The following PCDHGA11 variants were observed in gnomAD, a reference collection of about 807,000 sequenced individuals.
The protein encoded by PCDHGA11 is protocadherin gamma subfamily A, 11, also known as protocadherin gamma-A11.
PCDHGA11 carries 39 observed loss-of-function variants against 60.4 expected under a neutral mutation model. The observed-to-expected ratio is 0.65, with a 90% CI of 0.50 to 0.84. The LOEUF (loss-of-function observed/expected upper bound fraction) is 0.84. PCDHGA11 is among the 40% of genes least tolerant of loss of function. The pLI, the probability that PCDHGA11 is intolerant of heterozygous loss-of-function variation, is 0.00. For synonymous variants in PCDHGA11, 533 were observed against 510.3 expected (o/e 1.04, Z -0.60); for missense variants, 1,165 against 1,197.7 (o/e 0.97, Z 0.40).
intron 1 of PCDHGA11, among the ~76,000 whole-genome samples, chr5:141,470,997 A>G (rs905897657): frequency 3.8e-4 from 57 of 150,462 alleles, no homozygotes; most frequent in African/African-American, 1.3e-3. Flanking sequence ...GACTACAGGC[A>G]TGAGCCACTG....
chr5:141,460,961 ATGTGTGTG>A (rs35821115), intron 1 of PCDHGA11, among the ~76,000 whole-genome samples: 11 of 144,552 alleles, frequency 7.6e-5, no homozygotes, highest in South Asian at 2.2e-4. Context: ...GTATATATAT[ATGTGTGTG>A]TGTGTGTGTG....
rs1015619417 is a variant in PCDHGA11 at position 141,455,526 on chromosome 5, C to T, written c.2433+31866C>T. Among the ~76,000 whole-genome samples the T allele has an allele frequency of 2.0e-5, 3 of 152,106 alleles. 1 individual carries two copies. Among genetic ancestry groups the T allele is most frequent in the South Asian group, 4.1e-4 (2 of 4,826 alleles). ...CATAGGGCTCAGGGGATTGGTTTGA[C>T]CAGGCATATCATTCACGTAGCCCGA... On this transcript the variant is annotated intron_variant, in intron 1 of 3. Coordinates refer to ENST00000398587, the MANE Select transcript of PCDHGA11 (RefSeq NM_018914.3).
rs1320526226 is a variant in PCDHGA11 at position 141,421,474 on chromosome 5, G to T, written c.247G>T (p.Gly83Cys). The T allele has an allele frequency of 1.9e-6, 3 of 1,614,014 alleles. No individual in the cohort carries two copies. The highest frequency in any genetic ancestry group is 2.7e-5 in the African/African-American group (2 of 74,958). ...TQLFAVNPRS[G>C]SLITAGRIDR... is the part of the protein sequence containing the mutation. ...GCTTTTCGCTGTGAATCCGCGAAGC[G>T]GCAGCTTGATCACGGCAGGCAGGAT... is the stretch of plus-strand genomic sequence containing the variant. The change falls in exon 1 of 4, where the codon GGC becomes TGC. Residue 83 changes from glycine (G) to cysteine (C), a missense_variant. Coordinates refer to ENST00000398587, the MANE Select transcript of PCDHGA11 (RefSeq NM_018914.3).
intron 2 of PCDHGA11, among the ~76,000 whole-genome samples, chr5:141,496,353 C>T (rs761547879): frequency 4.6e-5 from 7 of 152,210 alleles, no homozygotes; most frequent in Non-Finnish European, 8.8e-5. Context: ...AGTCTCAGAG[C>T]CCAGGGAGAG....
chr5:141,476,459 C>T lies in PCDHGA11; in HGVS notation c.2434-18348C>T. On this transcript the variant is annotated intron_variant, in intron 1 of 3. Coordinates refer to ENST00000398587, the MANE Select transcript of PCDHGA11 (RefSeq NM_018914.3). The surrounding 1 kb of genome is among the most constrained non-coding windows in gnomAD (Gnocchi z 7.6). ...AACTCTGGAGTTGGTAGTGGAGAACCCGCTGGAGCTGTTCAGCGTGGAAGT... is the reference window on the plus strand; with the variant it reads ...AACTCTGGAGTTGGTAGTGGAGAACTCGCTGGAGCTGTTCAGCGTGGAAGT... 6.2e-7 allele frequency: 1 copy of T among 1,614,048 alleles called. No individual in the cohort carries two copies. Among genetic ancestry groups the T allele is most frequent in the Non-Finnish European group, 8.5e-7 (1 of 1,180,006 alleles).
rs748399893 is a variant in PCDHGA11, at chr5:141,421,618, G to A, written c.391G>A (p.Ala131Thr). Residue 131 changes from alanine (A) to threonine (T), a missense_variant, in exon 1 of 4, where the codon GCC (alanine) becomes ACC (threonine). Transcript: ENST00000398587. ...GGAAATAATAGATATTAATGATAAC[G>A]CCCCCAGCTTCCAGGAGGACGAAGT... ...EVEIIDINDN[A>T]PSFQEDEVEI... The A allele has an allele frequency of 6.2e-7, 1 of 1,613,766 alleles. No homozygotes were observed. Among genetic ancestry groups the A allele is most frequent in the African/African-American group, 1.3e-5 (1 of 75,024 alleles).
chr5:141,477,794 C>G lies in PCDHGA11; in HGVS notation c.2434-17013C>G, dbSNP rs148942362. The G allele has an allele frequency of 6.2e-7, 1 of 1,614,086 alleles. No individual in the cohort carries two copies. The highest frequency in any genetic ancestry group is 1.1e-5 in the South Asian group (1 of 91,082). On this transcript the variant is annotated intron_variant, in intron 1 of 3. Transcript: ENST00000398587. This position sits in a 1 kb window ranked among gnomAD's most constrained non-coding sequence, Gnocchi z 4.9. ...CAGCGTGAACATATTTGTCACTGAT[C>G]GCAATGACAATGCCCCCCAGGTCCT...
Position 141,485,119 on chromosome 5 carries a change from C to A in PCDHGA11, c.2434-9688C>A. 3.0e-6 allele frequency: 4 copies of A among 1,328,812 alleles called. No homozygotes were observed. Among genetic ancestry groups the A allele is most frequent in the Non-Finnish European group, 4.3e-6 (4 of 935,940 alleles). The allele number at this position is 1,328,812 out of a possible 1,614,324, so 82.3% of individuals were successfully genotyped here. ...CTCCAGCTGCTGTGGCTGTTTGGGG[C>A]GGGTCGGCTTCATCCGCGTCTCAGG... On this transcript the variant is annotated intron_variant, in intron 1 of 3. Transcript: ENST00000398587. This position sits in a 1 kb window ranked among gnomAD's most constrained non-coding sequence, Gnocchi z 5.7.
chr5:141,482,530 C>CAAAAAAAAAAAAAAAAA (rs3074545), intron 1 of PCDHGA11, among the ~76,000 whole-genome samples: 1 of 76,562 alleles, frequency 1.3e-5, no homozygotes, highest in African/African-American at 4.8e-5. Flanking sequence ...GACAGACATG[C>CAAAAAAAAAAAAAAAAA]AAAAAAAAAA....
At chr5:141,436,439 A>G (rs1481744238) in intron 1 of PCDHGA11, among the ~76,000 whole-genome samples, 5 of 152,208 alleles carry the variant, frequency 3.3e-5, no homozygotes, top group African/African-American at 1.2e-4. Flanking sequence ...TCTGGGGATT[A>G]CCTGATACCA....
chr5:141,430,048 A>G (rs2097258677), intron 1 of PCDHGA11, among the ~76,000 whole-genome samples: 1 of 152,222 alleles, frequency 6.6e-6, no homozygotes, highest in African/African-American at 2.4e-5. Flanking sequence ...AATGTATACA[A>G]TCACATATCA....
Position 141,490,070 on chromosome 5 carries a change from T to C in PCDHGA11, c.2434-4737T>C, listed in dbSNP as rs2099695766. ...CCAGACGAGGGCACCAACGGCCAAC[T>C]AGACTATTCTTTTGGAGACCACACA... On this transcript the variant is annotated intron_variant, in intron 1 of 3. Transcript: ENST00000398587. The surrounding 1 kb of genome is among the most constrained non-coding windows in gnomAD (Gnocchi z 5.4). The C allele has an allele frequency of 6.2e-7, 1 of 1,614,198 alleles. No individual in the cohort carries two copies.
rs192677983 is a variant in PCDHGA11 at position 141,457,339 on chromosome 5, A to G, written c.2433+33679A>G. On this transcript the variant is annotated intron_variant, in intron 1 of 3. Transcript: ENST00000398587. The stretch of plus-strand genomic sequence containing the variant: ...CCTCCGGGTTACAGGTACCTTACTT[A>G]CTTTCATTACCTGGCACAATTTGCA... Among the ~76,000 whole-genome samples the G allele has an allele frequency of 3.1e-4, 47 of 152,268 alleles. No individual in the cohort carries two copies. The South Asian group carries it at 3.3e-3, about 11-fold the overall frequency.
At chr5:141,503,263 C>T (rs2099818883) in intron 2 of PCDHGA11, among the ~76,000 whole-genome samples, 2 of 152,212 alleles carry the variant, frequency 1.3e-5, no homozygotes, top group South Asian at 4.2e-4. Context: ...GCCACAACCC[C>T]AGCACCTGGC....
At chr5:141,500,012 A>G (rs2099795840) in intron 2 of PCDHGA11, among the ~76,000 whole-genome samples, 1 of 151,622 alleles carries the variant, frequency 6.6e-6, no homozygotes, top group Non-Finnish European at 1.5e-5. Flanking sequence ...TAAGGTCCAC[A>G]TTTTATATTT....
Position 141,477,934 on chromosome 5 carries a change from C to T in PCDHGA11, c.2434-16873C>T. Reference sequence around the variant, plus strand: ...CGGATGCAGGGCACAATGCCTGGCTCTCCTACAGTCTCTTGGGATCCCCTA... The same window carrying T: ...CGGATGCAGGGCACAATGCCTGGCTTTCCTACAGTCTCTTGGGATCCCCTA... On this transcript the variant is annotated intron_variant, in intron 1 of 3. Coordinates refer to ENST00000398587, the MANE Select transcript of PCDHGA11 (RefSeq NM_018914.3). This position sits in a 1 kb window ranked among gnomAD's most constrained non-coding sequence, Gnocchi z 4.9. 3.1e-6 allele frequency: 5 copies of T among 1,614,204 alleles called. No individual in the cohort carries two copies. The highest frequency in any genetic ancestry group is 4.2e-6 in the Non-Finnish European group (5 of 1,180,036).
rs953989787 is a variant in PCDHGA11, at chr5:141,423,574, C to T, written c.2347C>T (p.Gln783Ter). The T allele has an allele frequency of 1.2e-6, 2 of 1,613,328 alleles. No individual in the cohort carries two copies. Among genetic ancestry groups the T allele is most frequent in the Non-Finnish European group, 1.7e-6 (2 of 1,179,622 alleles). The change falls in exon 1 of 4, where the codon CAG becomes TAG. Residue 783 changes from glutamine to a stop codon, truncating the protein, a stop_gained. Transcript: ENST00000398587. LOFTEE classifies it high-confidence loss of function. ...CAACTATGGGGACACGCTCATCAGC[C>T]AGGAGAGCTGTGAGAAAAGCGAGCC... is the stretch of plus-strand genomic sequence containing the variant. The part of the protein sequence containing the change: ...QPNYGDTLIS[Q>*]ESCEKSEPLL...
intron 2 of PCDHGA11, among the ~76,000 whole-genome samples, chr5:141,499,689 CTT>C (rs545067566): frequency 7.5e-5 from 9 of 119,852 alleles, no homozygotes; most frequent in African/African-American, 9.3e-5. Flanking sequence ...TAACAGATGA[CTT>C]TTTTTTTTTT....
rs1041367498 is a variant in PCDHGA11 at position 141,489,060 on chromosome 5, T to G, written c.2434-5747T>G. ...CAGCTCCACTCAAATTCAGCTCCCCTCCCCCCTGCCCACCCCCGCCACTCG... is the reference window on the plus strand; with the variant it reads ...CAGCTCCACTCAAATTCAGCTCCCCGCCCCCCTGCCCACCCCCGCCACTCG... On this transcript the variant is annotated intron_variant, in intron 1 of 3. Transcript: ENST00000398587. This position sits in a 1 kb window ranked among gnomAD's most constrained non-coding sequence, Gnocchi z 4.5. The G allele has an allele frequency of 1.7e-5, 5 of 300,224 alleles. No individual in the cohort carries two copies. The highest frequency in any genetic ancestry group is 2.4e-5 in the African/African-American group (1 of 42,484). The allele number at this position is 300,224 out of a possible 1,614,324, so 18.6% of individuals were successfully genotyped here.
Sources: allele counts gnomAD v4.1 joint callset (sites outside exome capture counted in the v4.1 genomes callset), GRCh38; gene constraint gnomAD v4.1.1; non-coding constraint Gnocchi (gnomAD v3.1); transcripts MANE v1.5; gene names NCBI Gene and HGNC (gene_info 2026-07-23, HGNC 2026-07-21).